Variants in OXR1 observed in about 807,000 individuals in gnomAD.
OXR1 encodes oxidation resistance 1.
Under a neutral mutation model 104.6 loss-of-function variants are expected in OXR1, and 41 were observed. The ratio of observed to expected loss-of-function variants is 0.39; its 90% CI spans 0.31 to 0.51. OXR1 has a LOEUF of 0.51. OXR1 is among the 20% of genes least tolerant of loss of function. OXR1 has a pLI of 0.77. For missense variants in OXR1, 955 were observed against 1,031.9 expected (o/e 0.93, Z 1.02); for synonymous variants, 348 against 348.4 (o/e 1.00, Z 0.01).
In OXR1 at chr8:106,363,312, C is replaced by T. The variant is rs187467522; in HGVS notation, c.23+3676C>T. 1.3e-4 allele frequency among the ~76,000 whole-genome samples: 20 copies of T among 152,258 alleles called. No homozygotes were observed. In the East Asian group the frequency reaches 1.5e-3, roughly 12 times the overall value. ...TAAGCGCTTTAAAAGATAAAAGGTACGTGCAGAATGTGTTTGAAAACAAAA... is the reference window on the plus strand; with the variant it reads ...TAAGCGCTTTAAAAGATAAAAGGTATGTGCAGAATGTGTTTGAAAACAAAA... On this transcript the variant is annotated intron_variant, in intron 2 of 16. Transcript: ENST00000517566.
At chr8:106,723,644 C>A (rs1404291032) in intron 11 of OXR1, among the ~76,000 whole-genome samples, 1 of 151,672 alleles carries the variant, frequency 6.6e-6, no homozygotes, top group Non-Finnish European at 1.5e-5. Context: ...TGTACTCCAG[C>A]CTGGGCAACA....
intron 3 of OXR1, among the ~76,000 whole-genome samples, chr8:106,636,123 A>C (rs13257540): frequency 6.6e-6 from 1 of 152,032 alleles, no homozygotes; most frequent in Admixed American, 6.5e-5. Context: ...ATGCTGAGCT[A>C]CCTACTTGTC....
At chr8:106,743,477 T>C (rs1276889312) in intron 15 of OXR1, among the ~76,000 whole-genome samples, 1 of 152,152 alleles carries the variant, frequency 6.6e-6, no homozygotes, top group Non-Finnish European at 1.5e-5. Context: ...GTACACACCA[T>C]GCCTGGCTAA....
At chr8:106,364,792 GA>G (rs892407745) in intron 2 of OXR1, among the ~76,000 whole-genome samples, 2 of 152,156 alleles carry the variant, frequency 1.3e-5, no homozygotes, top group Non-Finnish European at 2.9e-5. Context: ...TTTAGGATGA[GA>G]AAATTCTGGA....
intron 3 of OXR1, among the ~76,000 whole-genome samples, chr8:106,533,736 T>A (rs1789965): frequency 6.9e-6 from 1 of 145,568 alleles, no homozygotes; most frequent in Non-Finnish European, 1.5e-5. Flanking sequence ...TTTTTGGAGA[T>A]GGATTTTCTC....
intron 1 of OXR1, among the ~76,000 whole-genome samples, chr8:106,312,905 G>A (rs1813768270): frequency 6.6e-6 from 1 of 152,112 alleles, no homozygotes; most frequent in African/African-American, 2.4e-5. Context: ...GGTAGGCCAG[G>A]AATCAGATGA....
intron 2 of OXR1, among the ~76,000 whole-genome samples, chr8:106,455,537 C>A (rs2130630336): frequency 6.6e-6 from 1 of 152,260 alleles, no homozygotes; most frequent in South Asian, 2.1e-4. Flanking sequence ...AATTAAGAGT[C>A]TGTGTCTGAA....
chr8:106,273,420 C>A (rs1185383770), intron 1 of OXR1, among the ~76,000 whole-genome samples: 1 of 152,072 alleles, frequency 6.6e-6, no homozygotes, highest in Non-Finnish European at 1.5e-5. Context: ...GCAGTTTTAC[C>A]CCCTAGGGGA....
intron 2 of OXR1, among the ~76,000 whole-genome samples, chr8:106,481,800 T>C (rs959567841): frequency 2.0e-5 from 3 of 152,084 alleles, no homozygotes. Flanking sequence ...TGTCTCAGAA[T>C]TAAATTGTCC....
In OXR1 at chr8:106,353,365, A is replaced by AAATAATAAT. The variant is rs71307055; in HGVS notation, c.-138-6092_-138-6084dup. 2.4e-3 allele frequency among the ~76,000 whole-genome samples: 359 copies of AAATAATAAT among 147,452 alleles called. 1 individual carries two copies. The highest frequency in any genetic ancestry group is 3.4e-3 in the Non-Finnish European group (227 of 66,932). ...GGTGACGGAGTGAGACTCTGTCTCA[A>AAATAATAAT]AATAATAATAATAATAATAATAATA... On this transcript the variant is annotated intron_variant, in intron 1 of 16. Coordinates refer to ENST00000517566, the MANE Select transcript of OXR1 (RefSeq NM_001198533.2).
chr8:106,555,177 G>T (rs1305549777), intron 3 of OXR1, among the ~76,000 whole-genome samples: 1 of 152,000 alleles, frequency 6.6e-6, no homozygotes, highest in African/African-American at 2.4e-5. Context: ...TTCTCCCTCT[G>T]CCCTTACCCT....
intron 1 of OXR1, among the ~76,000 whole-genome samples, chr8:106,302,399 G>A (rs1011554381): frequency 6.6e-6 from 1 of 151,966 alleles, no homozygotes; most frequent in Non-Finnish European, 1.5e-5. Context: ...TGGCTAACAC[G>A]GTGAAACCCC....
intron 2 of OXR1, among the ~76,000 whole-genome samples, chr8:106,384,643 G>T (rs1379715688): frequency 6.6e-6 from 1 of 152,050 alleles, no homozygotes; most frequent in African/African-American, 2.4e-5. Context: ...TCTCTATAGA[G>T]ATGGAAATTT....
At chr8:106,563,269 A>T (rs556079827) in intron 3 of OXR1, among the ~76,000 whole-genome samples, 2 of 146,090 alleles carry the variant, frequency 1.4e-5, no homozygotes, top group South Asian at 4.5e-4. Context: ...AAAGGGATGG[A>T]GGAAGATTTA....
chr8:106,750,788 AT>A lies in OXR1; in HGVS notation c.2487-16del. On this transcript the variant is annotated splice_polypyrimidine_tract_variant and intron_variant, in intron 16 of 16. Transcript: ENST00000517566. ...CTTAAGGCATAAATATTAACAGATTATTATTTATGTATTGCAGAGGAGAATT... is the reference window on the plus strand; with the variant it reads ...CTTAAGGCATAAATATTAACAGATTATATTTATGTATTGCAGAGGAGAATT... The A allele has an allele frequency of 1.3e-6, 2 of 1,550,002 alleles. No homozygotes were observed. The highest frequency in any genetic ancestry group is 1.8e-6 in the Non-Finnish European group (2 of 1,141,324).
chr8:106,422,197 C>G (rs752494675), intron 2 of OXR1, among the ~76,000 whole-genome samples: 1 of 152,074 alleles, frequency 6.6e-6, no homozygotes, highest in Non-Finnish European at 1.5e-5. Context: ...AGTCTCCTTT[C>G]GGAGCACTGG....
intron 3 of OXR1, among the ~76,000 whole-genome samples, chr8:106,633,341 CTGT>C (rs774249187): frequency 6.6e-6 from 1 of 152,128 alleles, no homozygotes; most frequent in Non-Finnish European, 1.5e-5. Context: ...CTCTACTCTG[CTGT>C]TATTATATGG....
chr8:106,470,915 G>GATTGCTGACCATTGGAGGTC (rs1821457027), intron 2 of OXR1, among the ~76,000 whole-genome samples: 1 of 151,834 alleles, frequency 6.6e-6, no homozygotes. Flanking sequence ...TAGCAATGGT[G>GATTGCTGACCATTGGAGGTC]ATTGCTGACC....
chr8:106,377,545 T>C (rs905494050), intron 2 of OXR1, among the ~76,000 whole-genome samples: 12 of 152,152 alleles, frequency 7.9e-5, no homozygotes, highest in African/African-American at 2.9e-4. Flanking sequence ...TAGCTGTAAG[T>C]ATGACCACAA....
Sources: gnomAD v4.1 joint callset for allele counts (sites outside exome capture counted in the v4.1 genomes callset) on GRCh38, gnomAD v4.1.1 for gene constraint, MANE v1.5 for transcripts, NCBI Gene and HGNC (gene_info 2026-07-23, HGNC 2026-07-21) for gene names.